The following CEP192 variants were observed in gnomAD, a reference collection of about 807,000 sequenced individuals.
The protein encoded by CEP192 is centrosomal protein 192.
Under a neutral mutation model 271.8 loss-of-function variants are expected in CEP192, and 151 were observed. The ratio of observed to expected loss-of-function variants is 0.56; its 90% CI spans 0.49 to 0.64. CEP192 has a LOEUF of 0.64. Ranked by LOEUF, CEP192 falls within the 30% of genes least tolerant of loss-of-function variation. The pLI, the probability that CEP192 is intolerant of heterozygous loss-of-function variation, is 0.00. For missense variants in CEP192, 2,910 were observed against 3,020.5 expected, an observed-to-expected ratio of 0.96 and a Z score of 0.86; for synonymous variants, 995 against 1,076.5, an observed-to-expected ratio of 0.92 and a Z score of 1.48.
chr18:13,012,818 C>T (rs547510171), intron 4 of CEP192, among the ~76,000 whole-genome samples, 155 bp from the exon 5 acceptor site: 3 of 152,328 alleles, frequency 2.0e-5, no homozygotes, highest in Admixed American at 6.5e-5. Context: ...CATTTAAAAA[C>T]ATGTAACTGA....
chr18:13,023,959 T>C (rs2035140940), intron 9 of CEP192, among the ~76,000 whole-genome samples: 1 of 152,160 alleles, frequency 6.6e-6, no homozygotes, highest in Non-Finnish European at 1.5e-5. Flanking sequence ...AAGAAGAATG[T>C]GTATTCTGCA....
intron 34 of CEP192, among the ~76,000 whole-genome samples, chr18:13,094,291 CTTGTT>C: frequency 6.6e-6 from 1 of 152,094 alleles, no homozygotes; most frequent in Middle Eastern, 3.4e-3. Context: ...TCCATTGATG[CTTGTT>C]GCCTGAATTA....
intron 4 of CEP192, among the ~76,000 whole-genome samples, chr18:13,009,014 G>GTTTTTTTTTTTTTT (rs10586819): frequency 8.3e-6 from 1 of 120,432 alleles, no homozygotes; most frequent in African/African-American, 3.4e-5. Context: ...TGGCCTTTTT[G>GTTTTTTTTTTTTTT]TTTTTTTTTT....
chr18:13,096,138 C>A (rs776079919), intron 35 of CEP192, 46 bp from the exon 36 acceptor site: 2 of 1,595,408 alleles, frequency 1.3e-6, no homozygotes, highest in South Asian at 1.1e-5. Flanking sequence ...TTGTCTTTTT[C>A]ACTGTTGTTA....
intron 44 of CEP192, among the ~76,000 whole-genome samples, chr18:13,124,035 C>T (rs2040793929): frequency 6.6e-6 from 1 of 152,050 alleles, no homozygotes; most frequent in Admixed American, 6.6e-5. Context: ...TGATGGGCGC[C>T]TGTAATCCCA....
chr18:13,018,147 A>G (rs2034771184), intron 7 of CEP192, among the ~76,000 whole-genome samples: 2 of 152,162 alleles, frequency 1.3e-5, no homozygotes. Context: ...CTCTCCCACA[A>G]TTGGTGATAC....
intron 1 of CEP192, among the ~76,000 whole-genome samples, chr18:12,993,686 G>C (rs748556798): frequency 6.6e-6 from 1 of 152,198 alleles, no homozygotes; most frequent in Non-Finnish European, 1.5e-5. Context: ...GGCCAGACTT[G>C]CCTAGGTGGG....
chr18:13,071,096 C>T lies in CEP192; in HGVS notation c.5232C>T (p.Gly1744=), dbSNP rs781093892. Residue 1744 remains glycine (G), a synonymous_variant, in exon 28 of 45, where the codon GGC becomes GGT. Transcript: ENST00000506447. ...FGPQYEVVLK[G]EVISSGSKPL... is the part of the protein sequence containing the mutation. ...CTCAGTATGAGGTAGTGTTAAAAGG[C>T]GAAGTCATTTCTTCAGGAAGTAAAC... 30 of 1,613,668 alleles carry T rather than the reference C, an allele frequency of 1.9e-5. No homozygotes were observed. Among genetic ancestry groups the T allele is most frequent in the East Asian group, 1.3e-4 (6 of 44,890 alleles).
intron 3 of CEP192, 141 bp downstream of exon 3, chr18:13,001,723 G>A (rs910390480): frequency 8.5e-5 from 77 of 903,966 alleles, no homozygotes; most frequent in East Asian, 3.5e-4. Context: ...ATTTTGAGGC[G>A]GAGTTTCACT....
intron 11 of CEP192, among the ~76,000 whole-genome samples, chr18:13,035,832 G>A (rs10221384): frequency 0.65 from 98,813 of 152,066 alleles, 33,013 homozygotes; most frequent in African/African-American, 0.82. Context: ...CCTAGGTTCT[G>A]TGCTGTAGGT....
intron 31 of CEP192, 21 bp from the exon 32 acceptor site, chr18:13,087,510 A>ATT: frequency 3.4e-6 from 4 of 1,192,954 alleles, no homozygotes; most frequent in South Asian, 1.4e-5. Flanking sequence ...TTTACTCCTG[A>ATT]TTTTTTTTTC....
At chr18:13,071,661 C>A (rs2038019799) in intron 28 of CEP192, among the ~76,000 whole-genome samples, 1 of 152,124 alleles carries the variant, frequency 6.6e-6, no homozygotes, top group African/African-American at 2.4e-5. Context: ...GAATGGAGCA[C>A]CGAAGGGAGA....
intron 30 of CEP192, among the ~76,000 whole-genome samples, chr18:13,085,363 A>G (rs2038848863): frequency 1.4e-5 from 2 of 142,774 alleles, no homozygotes; most frequent in Non-Finnish European, 3.1e-5. Context: ...ATTCACTCTG[A>G]TAGTTTCTTT....
At chr18:13,121,974 C>T (rs2040682609) in intron 44 of CEP192, among the ~76,000 whole-genome samples, 1 of 152,138 alleles carries the variant, frequency 6.6e-6, no homozygotes. Context: ...GGCTTTTTTT[C>T]TGTGGAAACT....
chr18:13,006,706 T>C (rs1759314444), intron 3 of CEP192, among the ~76,000 whole-genome samples: 1 of 152,226 alleles, frequency 6.6e-6, no homozygotes, highest in South Asian at 2.1e-4. Context: ...CTGTTGTGTA[T>C]GTAGCTCTTA....
Position 13,091,337 on chromosome 18 carries a change from C to T in CEP192, c.6104-1040C>T, listed in dbSNP as rs138124116. 8.5e-5 allele frequency among the ~76,000 whole-genome samples: 13 copies of T among 152,274 alleles called. 1 individual carries two copies. The highest frequency in any genetic ancestry group is 2.9e-4 in the African/African-American group (12 of 41,544). ...CATCTAAGGTGGGGTTGAGCTAGGACTCAGGCCAGGTCTTTGGGACACCAG... is the reference window on the plus strand; with the variant it reads ...CATCTAAGGTGGGGTTGAGCTAGGATTCAGGCCAGGTCTTTGGGACACCAG... On this transcript the variant is annotated intron_variant, in intron 33 of 44. Transcript: ENST00000506447.
Position 13,081,084 on chromosome 18 carries a change from T to C in CEP192, c.5617-5933T>C, listed in dbSNP as rs553663108. ...TTCCCATCGATGTTCATCAGAGATA[T>C]TGGATTAAAATTCTCTTTTTTTGTT... is the stretch of plus-strand genomic sequence containing the variant. On this transcript the variant is annotated intron_variant, in intron 30 of 44. Coordinates refer to ENST00000506447, the MANE Select transcript of CEP192 (RefSeq NM_032142.4). Among the ~76,000 whole-genome samples the C allele has an allele frequency of 5.9e-5, 9 of 152,328 alleles. No homozygotes were observed. The South Asian group carries it at 1.9e-3, about 32-fold the overall frequency.
chr18:13,095,965 G>A (rs2039378070), intron 35 of CEP192, among the ~76,000 whole-genome samples: 1 of 152,140 alleles, frequency 6.6e-6, no homozygotes, highest in Non-Finnish European at 1.5e-5. Context: ...AATCTGCTAC[G>A]TGGGTGTGTG....
At position 13,100,552 on chromosome 18, in the gene CEP192, A is replaced by G. The variant is rs763691613; in HGVS notation, c.6871+40A>G. 1.1e-5 allele frequency: 16 copies of G among 1,427,280 alleles called. No individual in the cohort carries two copies. In the South Asian group the frequency reaches 1.8e-4, roughly 16 times the overall value. The allele number at this position is 1,427,280 out of a possible 1,614,324, so 88.4% of individuals were successfully genotyped here. On this transcript the variant is annotated intron_variant, in intron 38 of 44. Transcript: ENST00000506447. ...AATTATGTAATTCAAATGTCTGCTG[A>G]TATATTGAGTCTAATGCTTTATTCT...
Sources: allele counts gnomAD v4.1 joint callset (sites outside exome capture counted in the v4.1 genomes callset), GRCh38; gene constraint gnomAD v4.1.1; transcripts MANE v1.5; gene names NCBI Gene and HGNC (gene_info 2026-07-23, HGNC 2026-07-21).